Variants in NEK4 observed in about 807,000 individuals in gnomAD.
The protein encoded by NEK4 is NIMA related kinase 4, also known as serine/threonine-protein kinase Nek4.
Under a neutral mutation model 98.4 loss-of-function variants are expected in NEK4, and 86 were observed. The observed-to-expected ratio is 0.87, with a 90% CI of 0.73 to 1.05. NEK4 has a LOEUF of 1.05. Among genes scored for constraint, NEK4 ranks in the 50% least tolerant of loss-of-function variants. NEK4 has a pLI of 0.00. For synonymous variants in NEK4, 328 were observed against 342.2 expected (o/e 0.96, Z 0.46); for missense variants, 898 against 950.3 (o/e 0.94, Z 0.72).
At chr3:52,749,202 A>T (rs1310106994) in intron 8 of NEK4, among the ~76,000 whole-genome samples, 3 of 151,954 alleles carry the variant, frequency 2.0e-5, no homozygotes, top group Non-Finnish European at 4.4e-5. Flanking sequence ...GGTCAATCTC[A>T]GCTCACTACA....
At position 52,760,935 on chromosome 3, in the gene NEK4, T is replaced by G; in HGVS notation, c.823A>C (p.Lys275Gln). The part of the protein sequence containing the change: ...ISFFLEATKI[K>Q]TSKNNIKNGD... ...TTTTTAATGTTATTTTTGGAGGTTT[T>G]TCTTTATAAAGAAGAAAAGAAAGAG... The change falls in exon 6 of 16, where the codon AAA (lysine) becomes CAA (glutamine). Residue 275 changes from lysine (K) to glutamine (Q), a missense_variant and splice_region_variant. Transcript: ENST00000233027. The G allele has an allele frequency of 1.9e-6, 3 of 1,567,188 alleles. No homozygotes were observed. Among genetic ancestry groups the G allele is most frequent in the Non-Finnish European group, 2.6e-6 (3 of 1,151,470 alleles).
chr3:52,765,865 T>G, intron 4 of NEK4, 22 bp downstream of exon 4: 1 of 1,406,622 alleles, frequency 7.1e-7, no homozygotes, highest in Non-Finnish European at 1.0e-6. Context: ...TACTGGTCAA[T>G]TAGTTCTAGA....
At position 52,709,338 on chromosome 3, in the gene NEK4, CAAGT is replaced by C. The variant is rs2097348016; in HGVS notation, c.*2435_*2438del. On this transcript the variant is annotated 3_prime_UTR_variant, in exon 16 of 16. Coordinates refer to ENST00000233027, the MANE Select transcript of NEK4 (RefSeq NM_003157.6). ...AATTTAGGAAGATGAATTAAGCACT[CAAGT>C]AAAAACGATAAAAGTGGGAAGAAAA... 1 of 151,908 alleles carries C rather than the reference CAAGT, an allele frequency of 6.6e-6. No homozygotes were observed. The allele number at this position is 151,908 out of a possible 1,614,324, so 9.4% of individuals were successfully genotyped here.
chr3:52,726,542 T>A (rs1029129797), intron 15 of NEK4, among the ~76,000 whole-genome samples: 3 of 144,726 alleles, frequency 2.1e-5, no homozygotes, highest in African/African-American at 7.7e-5. Flanking sequence ...GAGCTTGCAG[T>A]GAGCTGAGAT....
intron 6 of NEK4, among the ~76,000 whole-genome samples, chr3:52,756,021 T>C (rs933621175): frequency 1.3e-5 from 2 of 152,144 alleles, no homozygotes; most frequent in Non-Finnish European, 2.9e-5. Context: ...TACAAAATGG[T>C]GCTGAAAGAA....
At chr3:52,729,636 A>T (rs1461999389) in intron 15 of NEK4, among the ~76,000 whole-genome samples, 1 of 148,698 alleles carries the variant, frequency 6.7e-6, no homozygotes, top group Non-Finnish European at 1.5e-5. Context: ...TGAACCCGGG[A>T]GACGGTGGTT....
chr3:52,726,598 C>CAA (rs35224191), intron 15 of NEK4, among the ~76,000 whole-genome samples: 31,009 of 103,688 alleles, frequency 0.3, 4,948 homozygotes, highest in Middle Eastern at 0.5. Flanking sequence ...GACTCCGTCT[C>CAA]AAAAAAAAAA....
intron 6 of NEK4, chr3:52,754,635 T>C (rs1328157781): frequency 6.7e-6 from 5 of 750,122 alleles, no homozygotes; most frequent in African/African-American, 3.5e-5. Flanking sequence ...CGGCCTGTCA[T>C]AGGTAAAGCC....
chr3:52,734,773 C>A, intron 15 of NEK4: 1 of 240,598 alleles, frequency 4.2e-6, no homozygotes, highest in South Asian at 6.4e-5. Flanking sequence ...ACATTGAATT[C>A]AACCCTCCCA....
At chr3:52,711,993 A>G in intron 15 of NEK4, 124 bp from the exon 16 acceptor site, 1 of 540,640 alleles carries the variant, frequency 1.8e-6, no homozygotes, top group South Asian at 3.1e-5. Context: ...AAATACTAAT[A>G]GTTCAGTTTA....
At chr3:52,730,184 G>C (rs1334403935) in intron 15 of NEK4, among the ~76,000 whole-genome samples, 1 of 152,194 alleles carries the variant, frequency 6.6e-6, no homozygotes, top group Non-Finnish European at 1.5e-5. Flanking sequence ...CATAAACCTA[G>C]ATGAAATGGA....
At chr3:52,748,959 T>C (rs963735919) in intron 8 of NEK4, among the ~76,000 whole-genome samples, 9 of 151,992 alleles carry the variant, frequency 5.9e-5, no homozygotes, top group African/African-American at 1.9e-4. Context: ...TGCTGGCGTA[T>C]GCCTGTAGTC....
intron 15 of NEK4, among the ~76,000 whole-genome samples, chr3:52,726,844 C>T (rs186437638): frequency 5.5e-4 from 83 of 152,106 alleles, no homozygotes; most frequent in African/African-American, 1.9e-3. Flanking sequence ...GCGGAGGTTG[C>T]AGTGAGCTGA....
At chr3:52,770,337 T>C (rs1698728897) in intron 1 of NEK4, among the ~76,000 whole-genome samples, 1 of 151,550 alleles carries the variant, frequency 6.6e-6, no homozygotes, top group Admixed American at 6.6e-5. Context: ...GGGAGAAAGG[T>C]GTGTAGATCA....
chr3:52,757,628 G>A (rs989123650), intron 6 of NEK4, among the ~76,000 whole-genome samples: 4 of 151,736 alleles, frequency 2.6e-5, no homozygotes, highest in Admixed American at 6.6e-5. Context: ...TCATAGCAGC[G>A]TTATTCACAC....
Position 52,739,424 on chromosome 3 carries a change from A to G in NEK4, c.2299+5T>C. The G allele has an allele frequency of 6.2e-7, 1 of 1,612,282 alleles. No individual in the cohort carries two copies. Among genetic ancestry groups the G allele is most frequent in the Non-Finnish European group, 8.5e-7 (1 of 1,178,376 alleles). ...AAAAACAAAAAATAATAATAAGCTG[A>G]TCACCTGAAGGTAGCTCTTTAAAAT... On this transcript the variant is annotated splice_donor_5th_base_variant and intron_variant, in intron 14 of 15. Coordinates refer to ENST00000233027, the MANE Select transcript of NEK4 (RefSeq NM_003157.6).
At chr3:52,766,142 A>G (rs1158201828) in intron 3 of NEK4, 36 bp downstream of exon 3, 1 of 1,575,610 alleles carries the variant, frequency 6.3e-7, no homozygotes, top group Admixed American at 1.7e-5. Flanking sequence ...ACTCTCCCAG[A>G]GACAAGGTAA....
rs971913605 is a variant in NEK4 at position 52,751,930 on chromosome 3, A to G, written c.1368+2T>C. On this transcript the variant is annotated splice_donor_variant, in intron 7 of 15. Coordinates refer to ENST00000233027, the MANE Select transcript of NEK4 (RefSeq NM_003157.6). LOFTEE classifies it high-confidence loss of function. ...AGTATCTCATGTGTGCATATCACTC[A>G]CCTGGTCCTTTGGCTTTTGTTCTTT... 2.5e-6 allele frequency: 4 copies of G among 1,611,916 alleles called. No homozygotes were observed. The highest frequency in any genetic ancestry group is 3.4e-6 in the Non-Finnish European group (4 of 1,179,260).
At chr3:52,751,400 G>A (rs1461845596) in intron 7 of NEK4, among the ~76,000 whole-genome samples, 2 of 151,102 alleles carry the variant, frequency 1.3e-5, no homozygotes, top group African/African-American at 2.4e-5. Flanking sequence ...AGGTTGCAGT[G>A]AGCCGAGATC....
Sources: gnomAD v4.1 joint callset for allele counts (sites outside exome capture counted in the v4.1 genomes callset) on GRCh38, gnomAD v4.1.1 for gene constraint, MANE v1.5 for transcripts, NCBI Gene and HGNC (gene_info 2026-07-23, HGNC 2026-07-21) for gene names.